Variants in ADGRB1 observed in about 807,000 individuals in gnomAD.
ADGRB1 encodes the protein brain-specific angiogenesis inhibitor 1.
A neutral mutation model predicts 175.7 loss-of-function variants in ADGRB1; 36 were observed. The ratio of observed to expected loss-of-function variants is 0.20; its 90% confidence interval spans 0.16 to 0.27. The LOEUF (loss-of-function observed/expected upper bound fraction) is 0.27, where lower values mean the gene tolerates loss of function less well. ADGRB1 is among the 10% of genes least tolerant of loss of function. The pLI, the probability that ADGRB1 is intolerant of heterozygous loss-of-function variation, is 1.00. For synonymous variants in ADGRB1, 1,054 were observed against 979.4 expected, an observed-to-expected ratio of 1.08 and a Z score of -1.42; for missense variants, 1,731 against 2,255.3, an observed-to-expected ratio of 0.77 and a Z score of 4.71.
At chr8:142,478,410 C>T in intron 7 of ADGRB1, 50 bp downstream of exon 7, 1 of 1,524,708 alleles carries the variant, frequency 6.6e-7, no homozygotes, top group Non-Finnish European at 8.8e-7. Flanking sequence ...AAGCAGGAGC[C>T]TCTAGGAAGG....
chr8:142,465,301 C>T (rs999707482), intron 2 of ADGRB1, among the ~76,000 whole-genome samples: 2 of 152,200 alleles, frequency 1.3e-5, no homozygotes, highest in South Asian at 2.1e-4. Flanking sequence ...GCATTGAAGG[C>T]CTAATTCCCT....
chr8:142,539,782 TCC>T, intron 27 of ADGRB1: 1 of 334,848 alleles, frequency 3.0e-6, no homozygotes, highest in Non-Finnish European at 5.7e-6. Flanking sequence ...CTAGTGCCGC[TCC>T]CCCCCCCTGC....
In ADGRB1 at chr8:142,543,705, C is replaced by T; in HGVS notation, c.4554C>T (p.Ser1518=). 1.4e-6 allele frequency: 1 copy of T among 739,242 alleles called. No individual in the cohort carries two copies. Among genetic ancestry groups the T allele is most frequent in the Non-Finnish European group, 2.1e-6 (1 of 476,190 alleles). 45.8% of individuals were successfully genotyped at this position (739,242 alleles called of 1,614,324 possible). A position where few individuals can be genotyped will look rare whatever the true frequency, so the allele number is the denominator to read the frequency against. Residue 1518 remains serine (S), a synonymous_variant, in exon 30 of 31, where the codon AGC becomes AGT. Coordinates refer to ENST00000517894, the MANE Select transcript of ADGRB1 (RefSeq NM_001702.3). This position sits in a 1 kb window ranked among gnomAD's most constrained non-coding sequence, Gnocchi z 4.4. ...EKDKEVLGPD[S]KPEKQQTPNK... is the part of the protein sequence containing the mutation. ...ACAAGGAGGTGCTGGGGCCGGACAGCAAGGTCTGGAGGGCAGGGAGGGGCG... is the reference window on the plus strand; with the variant it reads ...ACAAGGAGGTGCTGGGGCCGGACAGTAAGGTCTGGAGGGCAGGGAGGGGCG...
At chr8:142,471,592 T>C (rs1032545549) in intron 2 of ADGRB1, among the ~76,000 whole-genome samples, 7 of 152,210 alleles carry the variant, frequency 4.6e-5, no homozygotes, top group Non-Finnish European at 1.0e-4. Flanking sequence ...GACGGGACAG[T>C]ACCTGCTAGC....
At chr8:142,522,583 G>A (rs1438479806) in intron 21 of ADGRB1, 58 bp from the exon 22 acceptor site, 13 of 1,484,726 alleles carry the variant, frequency 8.8e-6, no homozygotes, top group Non-Finnish European at 1.1e-5. Flanking sequence ...CTAGGAGGAG[G>A]TGGAGGCTGG....
At chr8:142,461,990 G>A (rs1422354342) in intron 1 of ADGRB1, among the ~76,000 whole-genome samples, 3 of 151,974 alleles carry the variant, frequency 2.0e-5, no homozygotes, top group African/African-American at 7.2e-5. Flanking sequence ...GCCCACAGCC[G>A]CTCCCTCTCC....
intron 17 of ADGRB1, among the ~76,000 whole-genome samples, chr8:142,507,448 A>C (rs970789707): frequency 6.6e-6 from 1 of 152,172 alleles, no homozygotes; most frequent in African/African-American, 2.4e-5. Context: ...AGCTCTCTGG[A>C]CCAGGGGCAG....
chr8:142,466,703 G>A (rs1431999459), intron 2 of ADGRB1, among the ~76,000 whole-genome samples: 1 of 152,226 alleles, frequency 6.6e-6, no homozygotes, highest in Non-Finnish European at 1.5e-5. Context: ...GTGTCAGGGG[G>A]ACTGGGGAGA....
chr8:142,542,658 C>A lies in ADGRB1; in HGVS notation c.4413+11C>A. On this transcript the variant is annotated intron_variant, in intron 28 of 30. Coordinates refer to ENST00000517894, the MANE Select transcript of ADGRB1 (RefSeq NM_001702.3). This position sits in a 1 kb window ranked among gnomAD's most constrained non-coding sequence, Gnocchi z 6.3. ...GTGAGCTCCCTGGAGGTGAGGGGGGCAGGGGTGGGCCACACCCCAGCCAGC... is the reference window on the plus strand; with the variant it reads ...GTGAGCTCCCTGGAGGTGAGGGGGGAAGGGGTGGGCCACACCCCAGCCAGC... 1 of 1,537,998 alleles carries A rather than the reference C, an allele frequency of 6.5e-7. No homozygotes were observed. The highest frequency in any genetic ancestry group is 8.8e-7 in the Non-Finnish European group (1 of 1,141,660).
intron 24 of ADGRB1, among the ~76,000 whole-genome samples, chr8:142,528,722 T>C (rs979615307): frequency 1.3e-5 from 2 of 152,134 alleles, no homozygotes; most frequent in African/African-American, 4.8e-5. Flanking sequence ...GTTTGTTTTA[T>C]GTTTATCTTT....
At chr8:142,517,004 G>A (rs1300179853) in intron 18 of ADGRB1, among the ~76,000 whole-genome samples, 1 of 152,220 alleles carries the variant, frequency 6.6e-6, no homozygotes, top group Non-Finnish European at 1.5e-5. Flanking sequence ...GGCAGGGTCT[G>A]TGGCCGGCCC....
intron 1 of ADGRB1, among the ~76,000 whole-genome samples, chr8:142,454,214 C>T (rs1044304593): frequency 3.9e-5 from 6 of 152,170 alleles, no homozygotes; most frequent in African/African-American, 1.2e-4. Flanking sequence ...CTGCACTGCA[C>T]AAGACGCAGG....
intron 17 of ADGRB1, 115 bp downstream of exon 17, chr8:142,490,930 T>C (rs1841951070): frequency 2.9e-6 from 4 of 1,363,252 alleles, no homozygotes; most frequent in Non-Finnish European, 4.0e-6. Flanking sequence ...CCCAGCTGTC[T>C]GTGTACCCGC....
intron 1 of ADGRB1, among the ~76,000 whole-genome samples, chr8:142,457,248 T>C (rs1341632766): frequency 6.6e-6 from 1 of 152,202 alleles, no homozygotes; most frequent in African/African-American, 2.4e-5. Flanking sequence ...CCTCTGGGCC[T>C]GTATCCACGT....
At position 142,475,548 on chromosome 8, in the gene ADGRB1, A is replaced by C; in HGVS notation, c.859A>C (p.Thr287Pro). Residue 287 changes from threonine (T) to proline (P), a missense_variant, in exon 3 of 31, where the codon ACC becomes CCC. By Grantham distance (38) the Thr-to-Pro change is conservative. Coordinates refer to ENST00000517894, the MANE Select transcript of ADGRB1 (RefSeq NM_001702.3). ...GGGAGGCCTCCAGACGCGGACGCGC[A>C]CCTGCCTGCCCGCGCCGGGCGTGGA... is the stretch of plus-strand genomic sequence containing the variant. ...CGGGLQTRTR[T>P]CLPAPGVEGG... The C allele has an allele frequency of 7.8e-7, 1 of 1,283,404 alleles. No individual in the cohort carries two copies. The allele number at this position is 1,283,404 out of a possible 1,614,324, so 79.5% of individuals were successfully genotyped here. A position where few individuals can be genotyped will look rare whatever the true frequency, so the allele number is the denominator to read the frequency against.
chr8:142,512,205 G>C (rs1843145323), intron 18 of ADGRB1, among the ~76,000 whole-genome samples: 1 of 152,218 alleles, frequency 6.6e-6, no homozygotes. Context: ...GGTGAGTCTG[G>C]GCTGGACAGG....
chr8:142,541,578 A>C (rs1392066967), intron 27 of ADGRB1, among the ~76,000 whole-genome samples: 1 of 152,202 alleles, frequency 6.6e-6, no homozygotes, highest in Non-Finnish European at 1.5e-5. Flanking sequence ...TGCCACCAGC[A>C]CAGACCGTTC....
chr8:142,457,922 C>T (rs905733521), intron 1 of ADGRB1, among the ~76,000 whole-genome samples: 2 of 152,152 alleles, frequency 1.3e-5, no homozygotes, highest in African/African-American at 2.4e-5. Flanking sequence ...GAATGGGGGC[C>T]GTGGGCACCC....
intron 6 of ADGRB1, 119 bp downstream of exon 6, chr8:142,477,668 C>A: frequency 7.5e-7 from 1 of 1,337,766 alleles, no homozygotes; most frequent in Admixed American, 2.7e-5. Context: ...TCAGGGTGCT[C>A]AGAGGTTGGA....
Sources: allele counts gnomAD v4.1 joint callset (sites outside exome capture counted in the v4.1 genomes callset), GRCh38; gene constraint gnomAD v4.1.1; non-coding constraint Gnocchi (gnomAD v3.1); transcripts MANE v1.5; gene names NCBI Gene and HGNC (gene_info 2026-07-23, HGNC 2026-07-21).